Variants in INPP4B observed in about 807,000 individuals in gnomAD.
INPP4B encodes inositol polyphosphate-4-phosphatase type II B.
A neutral mutation model predicts 122.5 loss-of-function variants in INPP4B; 55 were observed. The ratio of observed to expected loss-of-function variants is 0.45; its 90% confidence interval spans 0.36 to 0.56. The LOEUF (loss-of-function observed/expected upper bound fraction) is 0.56, where lower values mean the gene tolerates loss of function less well. INPP4B is among the 20% of genes least tolerant of loss of function. The pLI, the probability that INPP4B is intolerant of heterozygous loss-of-function variation, is 0.00. For synonymous variants in INPP4B, 403 were observed against 388.7 expected (o/e 1.04, Z -0.43); for missense variants, 1,000 against 1,097.7 (o/e 0.91, Z 1.26).
intron 25 of INPP4B, among the ~76,000 whole-genome samples, chr4:142,043,888 T>C (rs1048568482): frequency 6.6e-6 from 1 of 152,070 alleles, no homozygotes; most frequent in African/African-American, 2.4e-5. Context: ...GTAGGGTGGC[T>C]TGAGCCAGGA....
At chr4:142,624,361 G>T (rs1250077611) in intron 2 of INPP4B, among the ~76,000 whole-genome samples, 4 of 151,434 alleles carry the variant, frequency 2.6e-5, no homozygotes, top group Admixed American at 1.3e-4. Context: ...CTGCATAAAT[G>T]TCTTCTTTTG....
intron 9 of INPP4B, among the ~76,000 whole-genome samples, chr4:142,300,629 T>G (rs111545613): frequency 6.2e-4 from 94 of 152,278 alleles, no homozygotes; most frequent in Middle Eastern, 3.4e-3. Flanking sequence ...CCACATAATC[T>G]ATAATACATG....
chr4:142,685,341 T>A (rs1453745306), intron 2 of INPP4B, among the ~76,000 whole-genome samples: 1 of 152,090 alleles, frequency 6.6e-6, no homozygotes, highest in African/African-American at 2.4e-5. Flanking sequence ...CACTTTAGAA[T>A]AATCCTTCAT....
chr4:142,405,936 T>A (rs1392228002), intron 5 of INPP4B, among the ~76,000 whole-genome samples: 1 of 152,048 alleles, frequency 6.6e-6, no homozygotes, highest in Non-Finnish European at 1.5e-5. Context: ...ATGGGTTAAT[T>A]CTTGCCCAGG....
rs115749916 is a variant in INPP4B, at chr4:142,360,103, G to C, written c.372+42835C>G. ...AGAAATAGCATAATTTTAACATTTA[G>C]GTAATTTTAACCATAAAATGGCCCC... On this transcript the variant is annotated intron_variant, in intron 7 of 25. Coordinates refer to ENST00000262992, the MANE Select transcript of INPP4B (RefSeq NM_001101669.3). Among the ~76,000 whole-genome samples, 1,285 of 151,872 alleles carry C rather than the reference G, an allele frequency of 8.5e-3. 13 individuals carry two copies. The highest frequency in any genetic ancestry group is 0.03 in the African/African-American group (1,233 of 41,452).
chr4:142,800,928 A>G (rs17016779), intron 1 of INPP4B, among the ~76,000 whole-genome samples: 45,975 of 151,988 alleles, frequency 0.3, 7,138 homozygotes, highest in South Asian at 0.41. Flanking sequence ...ACTGTCTGAG[A>G]GTCCATCTGT....
At chr4:142,419,770 A>G (rs1442107310) in intron 5 of INPP4B, among the ~76,000 whole-genome samples, 1 of 152,132 alleles carries the variant, frequency 6.6e-6, no homozygotes, top group Non-Finnish European at 1.5e-5. Context: ...GTGGTCCCCA[A>G]GTGACTTAAG....
intron 21 of INPP4B, among the ~76,000 whole-genome samples, chr4:142,118,125 T>C (rs1235400465): frequency 1.3e-5 from 2 of 152,104 alleles, no homozygotes; most frequent in African/African-American, 4.8e-5. Context: ...TACAAACCAC[T>C]GCTCAACGAA....
chr4:142,495,130 T>C (rs1560721752), intron 2 of INPP4B, among the ~76,000 whole-genome samples: 1 of 152,162 alleles, frequency 6.6e-6, no homozygotes, highest in African/African-American at 2.4e-5. Context: ...AACTTTTCTG[T>C]ATTAATTAAT....
chr4:142,439,898 T>C (rs1811320511), intron 3 of INPP4B, among the ~76,000 whole-genome samples: 2 of 152,232 alleles, frequency 1.3e-5, no homozygotes, highest in African/African-American at 4.8e-5. Flanking sequence ...ACCTCATCCA[T>C]GATGACTTCT....
At chr4:142,375,158 AT>A (rs113246462) in intron 7 of INPP4B, among the ~76,000 whole-genome samples, 27 of 149,732 alleles carry the variant, frequency 1.8e-4, no homozygotes, top group East Asian at 5.9e-4. Context: ...CAATAAATCC[AT>A]TTTTTTTTCA....
chr4:142,114,165 T>C lies in INPP4B; in HGVS notation c.2136-1483A>G, dbSNP rs1578948535. ...TAGCTTGTTCCTTTTAATTAGCGAA[T>C]AGAATTCTATTGTATCGATATCACT... On this transcript the variant is annotated intron_variant, in intron 21 of 25. Coordinates refer to ENST00000262992, the MANE Select transcript of INPP4B (RefSeq NM_001101669.3). Among the ~76,000 whole-genome samples the C allele has an allele frequency of 2.0e-5, 3 of 152,076 alleles. No homozygotes were observed. In the South Asian group the frequency reaches 6.2e-4, roughly 32 times the overall value.
intron 2 of INPP4B, among the ~76,000 whole-genome samples, chr4:142,468,499 A>C (rs1308006526): frequency 6.6e-6 from 1 of 152,196 alleles, no homozygotes; most frequent in African/African-American, 2.4e-5. Flanking sequence ...CAAATGATGG[A>C]GATGAAGCCT....
At chr4:142,147,939 G>A (rs1378008048) in intron 17 of INPP4B, among the ~76,000 whole-genome samples, 1 of 152,160 alleles carries the variant, frequency 6.6e-6, no homozygotes, top group Non-Finnish European at 1.5e-5. Context: ...AAATGCTGGG[G>A]AAGGGTAAGT....
At chr4:142,398,576 G>A (rs1800523713) in intron 7 of INPP4B, among the ~76,000 whole-genome samples, 1 of 150,754 alleles carries the variant, frequency 6.6e-6, no homozygotes. Flanking sequence ...AACAGGTATA[G>A]TTAGACTTAA....
intron 1 of INPP4B, among the ~76,000 whole-genome samples, chr4:142,787,254 C>T (rs1173788608): frequency 2.6e-5 from 4 of 152,060 alleles, no homozygotes; most frequent in South Asian, 2.1e-4. Flanking sequence ...GCAATACAAC[C>T]GTGCTGGGAG....
chr4:142,028,738 A>G lies in INPP4B; in HGVS notation c.*44T>C. 4 of 1,569,388 alleles carry G rather than the reference A, an allele frequency of 2.5e-6. No homozygotes were observed. The highest frequency in any genetic ancestry group is 2.3e-5 in the East Asian group (1 of 43,952). On this transcript the variant is annotated 3_prime_UTR_variant, in exon 26 of 26. Transcript: ENST00000262992. ...AAAAGACCAAGGTGAAGATTATCCA[A>G]CTGAAATGTATTTGTGTTCCTGTTT...
intron 25 of INPP4B, among the ~76,000 whole-genome samples, chr4:142,067,519 C>A (rs11932936): frequency 0.024 from 3,632 of 152,058 alleles, 57 homozygotes; most frequent in East Asian, 0.059. Flanking sequence ...CGATCGGTAA[C>A]AACAAACTTC....
intron 15 of INPP4B, among the ~76,000 whole-genome samples, chr4:142,186,519 C>T (rs1833276102): frequency 6.6e-6 from 1 of 152,190 alleles, no homozygotes; most frequent in Non-Finnish European, 1.5e-5. Context: ...ACATTCTCAA[C>T]ATTTGTGTTT....
Sources: gnomAD v4.1 joint callset for allele counts (sites outside exome capture counted in the v4.1 genomes callset) on GRCh38, gnomAD v4.1.1 for gene constraint, MANE v1.5 for transcripts, NCBI Gene and HGNC (gene_info 2026-07-23, HGNC 2026-07-21) for gene names.